Variants in C9orf72 observed in about 807,000 individuals in gnomAD.
The protein encoded by C9orf72 is guanine nucleotide exchange factor C9orf72.
In C9orf72, 44 loss-of-function variants were observed where a neutral mutation model predicts 51.6. The observed-to-expected ratio is 0.85, with a 90% CI of 0.67 to 1.10. The LOEUF is 1.10. Among genes scored for constraint, C9orf72 ranks in the 50% least tolerant of loss-of-function variants. The pLI, the probability that C9orf72 is intolerant of heterozygous loss-of-function variation, is 0.00. For missense variants in C9orf72, 607 were observed against 570.6 expected (o/e 1.06, Z -0.65); for synonymous variants, 213 against 194.2 (o/e 1.10, Z -0.81).
In C9orf72 at chr9:27,556,307, C is replaced by T. The variant is rs116225272; in HGVS notation, c.1091+254G>A. The stretch of plus-strand genomic sequence containing the variant: ...CGGTACCTAGAACAGTGCCTAGGAG[C>T]TCAATATATATTTATTAAACAAATA... On this transcript the variant is annotated intron_variant, in intron 8 of 10. Transcript: ENST00000380003. 1,546 of 549,186 alleles carry T rather than the reference C, an allele frequency of 2.8e-3. 21 individuals carry two copies. Among genetic ancestry groups the T allele is most frequent in the African/African-American group, 0.026 (1,381 of 53,208 alleles). The allele number at this position is 549,186 out of a possible 1,614,324, so 34.0% of individuals were successfully genotyped here.
At chr9:27,573,245 G>C (rs1433347399) in intron 1 of C9orf72, among the ~76,000 whole-genome samples, 186 bp downstream of exon 1, 3 of 151,336 alleles carry the variant, frequency 2.0e-5, no homozygotes, top group African/African-American at 2.4e-5. Flanking sequence ...GGAAGCCCGG[G>C]GCCCGGATGC....
At chr9:27,556,008 A>G (rs1821003462) in intron 8 of C9orf72, among the ~76,000 whole-genome samples, 1 of 151,700 alleles carries the variant, frequency 6.6e-6, no homozygotes, top group Non-Finnish European at 1.5e-5. Context: ...TCAACAATTA[A>G]TTATCATTAC....
intron 9 of C9orf72, among the ~76,000 whole-genome samples, chr9:27,549,773 T>C (rs1820868145): frequency 1.7e-5 from 2 of 115,956 alleles, no homozygotes; most frequent in African/African-American, 6.0e-5. Context: ...AACCTCCCTT[T>C]CTCAAAAAAA....
intron 2 of C9orf72, among the ~76,000 whole-genome samples, chr9:27,566,458 C>T (rs1819468262): frequency 6.6e-6 from 1 of 152,088 alleles, no homozygotes; most frequent in Non-Finnish European, 1.5e-5. Flanking sequence ...AGCTTTTCAT[C>T]TATAATGTGG....
At chr9:27,560,916 A>G in intron 5 of C9orf72, 1 of 281,708 alleles carries the variant, frequency 3.5e-6, no homozygotes, top group East Asian at 1.7e-4. Flanking sequence ...GTAGGCACTC[A>G]ACAAATACTG....
chr9:27,560,365 A>T, intron 5 of C9orf72, 66 bp from the exon 6 acceptor site: 1 of 1,230,828 alleles, frequency 8.1e-7, no homozygotes, highest in Non-Finnish European at 1.1e-6. Flanking sequence ...TAAAAACAAA[A>T]AAAAGTAGGT....
intron 5 of C9orf72, 125 bp from the exon 6 acceptor site, chr9:27,560,424 T>C: frequency 4.3e-6 from 3 of 691,228 alleles, no homozygotes; most frequent in Non-Finnish European, 6.9e-6. Context: ...ACACCGAAGC[T>C]ATAAGCACAA....
chr9:27,568,827 C>T (rs1352821536), intron 1 of C9orf72, among the ~76,000 whole-genome samples: 3 of 151,968 alleles, frequency 2.0e-5, no homozygotes, highest in Non-Finnish European at 2.9e-5. Context: ...TTAGAGTGCA[C>T]TCCTTCTACT....
At chr9:27,571,460 C>A (rs3849946) in intron 1 of C9orf72, among the ~76,000 whole-genome samples, 59,696 of 151,792 alleles carry the variant, frequency 0.39, 13,818 homozygotes, top group East Asian at 0.67. Flanking sequence ...AAAGCCCTCA[C>A]TTCTTGTTTT....
At chr9:27,563,066 T>G (rs1295380704) in intron 3 of C9orf72, among the ~76,000 whole-genome samples, 1 of 152,170 alleles carries the variant, frequency 6.6e-6, no homozygotes. Context: ...ATATATTTCA[T>G]ATTTAAAAAT....
intron 9 of C9orf72, 58 bp from the exon 10 acceptor site, chr9:27,548,724 G>T: frequency 1.0e-6 from 1 of 980,554 alleles, no homozygotes; most frequent in Non-Finnish European, 1.6e-6. Flanking sequence ...TCGTACAGAA[G>T]TTTCTATGAC....
chr9:27,568,918 G>A (rs968391687), intron 1 of C9orf72, among the ~76,000 whole-genome samples: 2 of 151,752 alleles, frequency 1.3e-5, no homozygotes, highest in African/African-American at 4.8e-5. Context: ...TGTTATCATA[G>A]GTGACAGCTA....
chr9:27,561,363 T>C, intron 5 of C9orf72: 1 of 1,278,868 alleles, frequency 7.8e-7, no homozygotes, highest in South Asian at 2.0e-5. Flanking sequence ...TTGTCTGGGA[T>C]GGAAACTCGG....
At chr9:27,551,364 T>C (rs764083922) in intron 8 of C9orf72, among the ~76,000 whole-genome samples, 8 of 152,212 alleles carry the variant, frequency 5.3e-5, no homozygotes, top group Non-Finnish European at 8.8e-5. Context: ...TAGCAGGTGC[T>C]AAAGCAAACA....
At chr9:27,550,742 G>C in intron 8 of C9orf72, 35 bp from the exon 9 acceptor site, 1 of 1,343,934 alleles carries the variant, frequency 7.4e-7, no homozygotes, top group Non-Finnish European at 1.0e-6. Flanking sequence ...AAAGAAAAAA[G>C]TTCAAATGTT....
In C9orf72 at chr9:27,561,635, T is replaced by G. The variant is rs556107429; in HGVS notation, c.615A>C (p.Val205=). Residue 205 remains valine, a synonymous_variant, in exon 5 of 11, where the codon GTA becomes GTC. Transcript: ENST00000380003. ...VPEEIDIADT[V]LNDDDIGDSC... Reference sequence around the variant, plus strand: ...TGTCACCAATATCATCATCATTGAGTACTGTATCAGCTATCTAAAATGCAT... The same window carrying G: ...TGTCACCAATATCATCATCATTGAGGACTGTATCAGCTATCTAAAATGCAT... 1.2e-6 allele frequency: 2 copies of G among 1,603,768 alleles called. No homozygotes were observed. The highest frequency in any genetic ancestry group is 4.5e-5 in the East Asian group (2 of 44,676).
rs1482898222 is a variant in C9orf72 at position 27,558,549 on chromosome 9, C to T, written c.797G>A (p.Cys266Tyr). 8 of 1,609,210 alleles carry T rather than the reference C, an allele frequency of 5.0e-6. No individual in the cohort carries two copies. In the South Asian group the frequency reaches 8.8e-5, roughly 18 times the overall value. Residue 266 changes from cysteine to tyrosine, a missense_variant, in exon 7 of 11, where the codon TGT becomes TAT. By Grantham distance (194) the Cys-to-Tyr change is radical. Transcript: ENST00000380003. The stretch of plus-strand genomic sequence containing the variant: ...ATATTTAAATGATGATTCTGCTTCA[C>T]ATAACCTGGAGCATTTTCTCTCTGC... ...TPAERKCSRL[C>Y]EAESSFKYES...
At chr9:27,551,088 A>AC (rs34592154) in intron 8 of C9orf72, among the ~76,000 whole-genome samples, 66,776 of 151,870 alleles carry the variant, frequency 0.44, 15,061 homozygotes, top group Non-Finnish European at 0.48. Context: ...CATCTCAAAA[A>AC]AAAACAAAAA....
intron 6 of C9orf72, chr9:27,558,825 T>C (rs928845132): frequency 5.2e-5 from 22 of 426,254 alleles, no homozygotes; most frequent in African/African-American, 3.1e-4. Flanking sequence ...AAATTTACTG[T>C]ATGGCATCTC....
Sources: allele counts gnomAD v4.1 joint callset (sites outside exome capture counted in the v4.1 genomes callset), GRCh38; gene constraint gnomAD v4.1.1; transcripts MANE v1.5; gene names NCBI Gene and HGNC (gene_info 2026-07-23, HGNC 2026-07-21).